The following HPSE2 variants were observed in gnomAD, a reference collection of about 807,000 sequenced individuals.
HPSE2 encodes the protein inactive heparanase-2.
HPSE2 carries 38 observed loss-of-function variants against 60.5 expected under a neutral mutation model. The observed-to-expected ratio is 0.63, with a 90% CI of 0.48 to 0.82. HPSE2 has a LOEUF of 0.82. HPSE2 is among the 40% of genes least tolerant of loss of function. HPSE2 has a pLI of 0.00. For missense variants in HPSE2, 713 were observed against 740.4 expected, an observed-to-expected ratio of 0.96 and a Z score of 0.43; for synonymous variants, 295 against 293.2, an observed-to-expected ratio of 1.01 and a Z score of -0.06.
At chr10:98,877,022 T>G (rs1296267933) in intron 3 of HPSE2, among the ~76,000 whole-genome samples, 1 of 151,906 alleles carries the variant, frequency 6.6e-6, no homozygotes, top group Non-Finnish European at 1.5e-5. Flanking sequence ...GGGCATGCTA[T>G]TGAATATTTT....
chr10:98,597,052 G>A (rs747629041), intron 9 of HPSE2, among the ~76,000 whole-genome samples: 6 of 151,946 alleles, frequency 3.9e-5, no homozygotes, highest in Non-Finnish European at 7.4e-5. Context: ...CAAGCAAAAG[G>A]GGGGAAAGTC....
chr10:99,107,486 C>T (rs1844294919), intron 3 of HPSE2, among the ~76,000 whole-genome samples: 1 of 152,158 alleles, frequency 6.6e-6, no homozygotes, highest in Non-Finnish European at 1.5e-5. Flanking sequence ...ACCATGCCGT[C>T]TTCTACCTCA....
At chr10:98,876,846 T>C (rs1952890103) in intron 3 of HPSE2, among the ~76,000 whole-genome samples, 1 of 151,856 alleles carries the variant, frequency 6.6e-6, no homozygotes, top group Non-Finnish European at 1.5e-5. Context: ...ATACTACCTC[T>C]CTCTACTTTT....
intron 7 of HPSE2, among the ~76,000 whole-genome samples, chr10:98,626,637 G>A (rs977852913): frequency 6.6e-6 from 1 of 152,082 alleles, no homozygotes; most frequent in African/African-American, 2.4e-5. Flanking sequence ...AGTGGCCCCA[G>A]CTGGGAATTG....
At chr10:99,100,101 G>C (rs1407700612) in intron 3 of HPSE2, among the ~76,000 whole-genome samples, 1 of 152,206 alleles carries the variant, frequency 6.6e-6, no homozygotes, top group African/African-American at 2.4e-5. Context: ...TCCTCCAAAG[G>C]AACGCAGCTC....
chr10:98,878,655 G>T (rs1406627198), intron 3 of HPSE2, among the ~76,000 whole-genome samples: 4 of 151,934 alleles, frequency 2.6e-5, no homozygotes, highest in African/African-American at 2.4e-5. Context: ...ATGATGCAGG[G>T]ATCAGAGCAT....
Position 98,693,904 on chromosome 10 carries a change from G to T in HPSE2, c.1000C>A (p.Gln334Lys). The T allele has an allele frequency of 1.9e-6, 3 of 1,611,736 alleles. No homozygotes were observed. Among genetic ancestry groups the T allele is most frequent in the South Asian group, 2.2e-5 (2 of 91,032 alleles). ...GCAAAAATGGTGAATACCTACTGTTGCCAGGTAACTGCATCTACTGTACTT... is the reference window on the plus strand; with the variant it reads ...GCAAAAATGGTGAATACCTACTGTTTCCAGGTAACTGCATCTACTGTACTT... The part of the protein sequence containing the change: ...AGSTVDAVTW[Q>K]HCYIDGRVVK... Residue 334 changes from glutamine to lysine, a missense_variant, in exon 6 of 12, where the codon CAA (glutamine) becomes AAA (lysine). Gln to Lys is a moderately conservative substitution (Grantham distance 53). Transcript: ENST00000370552.
At chr10:99,088,926 T>C (rs1424843603) in intron 3 of HPSE2, among the ~76,000 whole-genome samples, 1 of 152,190 alleles carries the variant, frequency 6.6e-6, no homozygotes, top group Non-Finnish European at 1.5e-5. Flanking sequence ...ATTTCCCTGA[T>C]AATTAATGAG....
intron 2 of HPSE2, among the ~76,000 whole-genome samples, chr10:99,190,155 C>A (rs940253941): frequency 5.9e-5 from 9 of 152,272 alleles, no homozygotes; most frequent in Non-Finnish European, 8.8e-5. Flanking sequence ...ATGCATTGGG[C>A]ATTGTGCTAA....
chr10:98,990,590 G>A (rs1437144345), intron 3 of HPSE2, among the ~76,000 whole-genome samples: 1 of 152,340 alleles, frequency 6.6e-6, no homozygotes, highest in Middle Eastern at 3.4e-3. Context: ...GGGGACCCGT[G>A]TGCTAAACAA....
chr10:98,565,350 G>A (rs1448992613), intron 9 of HPSE2, among the ~76,000 whole-genome samples: 2 of 148,104 alleles, frequency 1.4e-5, no homozygotes, highest in African/African-American at 5.3e-5. Context: ...GACAGGGCCC[G>A]GAGTGTGTTT....
chr10:99,108,589 GTT>G (rs140206355), intron 3 of HPSE2, among the ~76,000 whole-genome samples: 1,716 of 152,180 alleles, frequency 0.011, 34 homozygotes, highest in African/African-American at 0.039. Flanking sequence ...CCTGCCTAAA[GTT>G]TATTCATTAC....
chr10:99,290,131 TA>T, the HPSE2 span, among the ~76,000 whole-genome samples: 23 of 152,204 alleles, frequency 1.5e-4, no homozygotes, highest in African/African-American at 5.3e-4. Flanking sequence ...TGATTAAAAT[TA>T]TTTTTTTTAA....
At chr10:99,055,647 A>T (rs4397772) in intron 3 of HPSE2, among the ~76,000 whole-genome samples, 2,517 of 152,274 alleles carry the variant, frequency 0.017, 100 homozygotes, top group East Asian at 0.15. Context: ...CACAAAATTA[A>T]ATTGAAAATC....
intron 3 of HPSE2, among the ~76,000 whole-genome samples, chr10:99,071,418 C>G (rs954419739): frequency 7.2e-5 from 11 of 152,126 alleles, no homozygotes; most frequent in African/African-American, 2.7e-4. Flanking sequence ...GTGACTGCAA[C>G]TATTTCACAT....
chr10:98,732,178 G>T (rs1020033464), intron 4 of HPSE2, among the ~76,000 whole-genome samples: 2 of 152,148 alleles, frequency 1.3e-5, no homozygotes, highest in Non-Finnish European at 2.9e-5. Context: ...GTGATAGGAA[G>T]ATTTTGTATT....
chr10:98,622,835 A>G (rs1433768992), intron 7 of HPSE2, among the ~76,000 whole-genome samples: 2 of 152,176 alleles, frequency 1.3e-5, no homozygotes, highest in South Asian at 2.1e-4. Flanking sequence ...ACCCCTTTCA[A>G]TACTGTTCAT....
intron 2 of HPSE2, among the ~76,000 whole-genome samples, chr10:99,146,816 G>A (rs1023588435): frequency 5.9e-5 from 9 of 152,066 alleles, no homozygotes; most frequent in South Asian, 2.1e-4. Flanking sequence ...AGCCGAGATC[G>A]TACCACTGCA....
At chr10:99,174,318 T>G (rs1847438915) in intron 2 of HPSE2, among the ~76,000 whole-genome samples, 1 of 152,222 alleles carries the variant, frequency 6.6e-6, no homozygotes, top group Non-Finnish European at 1.5e-5. Flanking sequence ...TGCTGGAGTT[T>G]TAAGAAAATT....
Sources: gnomAD v4.1 joint callset for allele counts (sites outside exome capture counted in the v4.1 genomes callset) on GRCh38, gnomAD v4.1.1 for gene constraint, MANE v1.5 for transcripts, NCBI Gene and HGNC (gene_info 2026-07-23, HGNC 2026-07-21) for gene names.